Variants in RAP1GAP2 observed in about 807,000 individuals in gnomAD.
RAP1GAP2 encodes the protein rap1 GTPase-activating protein 2.
RAP1GAP2 carries 27 observed loss-of-function variants against 95.0 expected under a neutral mutation model. That is an observed-to-expected ratio of 0.28 (90% confidence interval 0.21 to 0.39). The LOEUF (loss-of-function observed/expected upper bound fraction) is 0.39, where lower values mean the gene tolerates loss of function less well. RAP1GAP2 is among the 10% of genes least tolerant of loss of function. The pLI is 1.00. For synonymous variants in RAP1GAP2, 373 were observed against 380.9 expected, an observed-to-expected ratio of 0.98 and a Z score of 0.24; for missense variants, 771 against 970.0, an observed-to-expected ratio of 0.79 and a Z score of 2.72.
intron 2 of RAP1GAP2, among the ~76,000 whole-genome samples, chr17:2,801,506 T>C (rs918731817): frequency 1.3e-5 from 2 of 151,958 alleles, no homozygotes; most frequent in African/African-American, 2.4e-5. Flanking sequence ...ATTACATTTT[T>C]TATCACTTTA....
In RAP1GAP2 at chr17:2,965,679, C is replaced by T. The variant is rs1288170201; in HGVS notation, c.596+36C>T. Reference sequence around the variant, plus strand: ...TGCGCTGCTTGAGGCCACTTCTCTTCCAGGCAGGGCTCTCATCGGTGGTGT... The same window carrying T: ...TGCGCTGCTTGAGGCCACTTCTCTTTCAGGCAGGGCTCTCATCGGTGGTGT... On this transcript the variant is annotated intron_variant, in intron 8 of 24. Transcript: ENST00000254695. This position sits in a 1 kb window ranked among gnomAD's most constrained non-coding sequence, Gnocchi z 4.7. 1 of 1,444,244 alleles carries T rather than the reference C, an allele frequency of 6.9e-7. No homozygotes were observed. The highest frequency in any genetic ancestry group is 9.6e-7 in the Non-Finnish European group (1 of 1,041,722). The allele number at this position is 1,444,244 out of a possible 1,614,324, so 89.5% of individuals were successfully genotyped here. A position where few individuals can be genotyped will look rare whatever the true frequency, so the allele number is the denominator to read the frequency against.
chr17:2,762,969 C>A (rs1227161659), intron 1 of RAP1GAP2, among the ~76,000 whole-genome samples: 1 of 152,136 alleles, frequency 6.6e-6, no homozygotes, highest in Non-Finnish European at 1.5e-5. Context: ...AGCCACCACA[C>A]CCAGCTTTCT....
intron 2 of RAP1GAP2, among the ~76,000 whole-genome samples, chr17:2,810,182 G>T (rs999812079): frequency 2.0e-5 from 3 of 152,016 alleles, no homozygotes; most frequent in African/African-American, 7.3e-5. Context: ...TGTGGACCTT[G>T]CGAGCTTTGT....
chr17:2,945,867 G>A (rs527842548), intron 3 of RAP1GAP2, among the ~76,000 whole-genome samples: 16 of 151,916 alleles, frequency 1.1e-4, no homozygotes, highest in African/African-American at 3.9e-4. Flanking sequence ...TGGGCTCACT[G>A]CAACCTCTTT....
At chr17:2,883,253 TC>T (rs2151673828) in intron 2 of RAP1GAP2, among the ~76,000 whole-genome samples, 1 of 152,334 alleles carries the variant, frequency 6.6e-6, no homozygotes, top group East Asian at 1.9e-4. Context: ...GCAAAGCCTT[TC>T]CTGAGCTCCC....
At chr17:2,999,514 A>G (rs2046081039) in intron 14 of RAP1GAP2, among the ~76,000 whole-genome samples, 1 of 152,192 alleles carries the variant, frequency 6.6e-6, no homozygotes, top group Non-Finnish European at 1.5e-5. Context: ...CCAATGGGTA[A>G]CCATGAGGCC....
rs183701581 is a variant in RAP1GAP2 at position 2,885,083 on chromosome 17, G to A, written c.81-20201G>A. Among the ~76,000 whole-genome samples the A allele has an allele frequency of 5.3e-3, 772 of 146,906 alleles. 5 individuals are homozygous for A. The highest frequency in any genetic ancestry group is 0.011 in the Admixed American group (157 of 14,582). On this transcript the variant is annotated intron_variant, in intron 2 of 24. Coordinates refer to ENST00000254695, the MANE Select transcript of RAP1GAP2 (RefSeq NM_015085.5). ...GAGTCTCGCTCTGTCGCCCAGGCTG[G>A]AGTACAGTGGCACGATCTCGGCTCA...
chr17:2,905,896 G>T (rs1235822903), intron 3 of RAP1GAP2, among the ~76,000 whole-genome samples: 1 of 152,160 alleles, frequency 6.6e-6, no homozygotes, highest in Admixed American at 6.5e-5. Flanking sequence ...CACAGTCCAG[G>T]CTGCTAGGCC....
intron 2 of RAP1GAP2, among the ~76,000 whole-genome samples, chr17:2,863,039 A>ACTTTAGGG (rs1283057858): frequency 6.7e-6 from 1 of 148,610 alleles, no homozygotes; most frequent in Non-Finnish European, 1.5e-5. Context: ...CAGGCCCATC[A>ACTTTAGGG]CTTTAGGGAT....
intron 3 of RAP1GAP2, among the ~76,000 whole-genome samples, chr17:2,947,625 T>C (rs977090062): frequency 1.5e-4 from 23 of 152,184 alleles, no homozygotes; most frequent in Admixed American, 9.8e-4. Flanking sequence ...CGAAGAGCTC[T>C]GCCCTCGAGG....
intron 2 of RAP1GAP2, among the ~76,000 whole-genome samples, chr17:2,895,153 C>T (rs945306779): frequency 6.6e-6 from 1 of 152,222 alleles, no homozygotes; most frequent in African/African-American, 2.4e-5. Flanking sequence ...TACGTCACTA[C>T]CATAAAAGGA....
intron 3 of RAP1GAP2, among the ~76,000 whole-genome samples, chr17:2,908,744 G>A (rs560948400): frequency 4.6e-5 from 7 of 152,060 alleles, no homozygotes; most frequent in South Asian, 2.1e-4. Flanking sequence ...GGACAGGGTC[G>A]TGCGCTGTCA....
At chr17:2,758,101 C>T (rs1394332742) in intron 1 of RAP1GAP2, among the ~76,000 whole-genome samples, 1 of 150,244 alleles carries the variant, frequency 6.7e-6, no homozygotes, top group Admixed American at 6.7e-5. Flanking sequence ...GATCTCCTGA[C>T]CTCATGATCC....
chr17:2,922,265 T>A (rs767124088), intron 3 of RAP1GAP2, among the ~76,000 whole-genome samples: 1 of 152,214 alleles, frequency 6.6e-6, no homozygotes, highest in Non-Finnish European at 1.5e-5. Flanking sequence ...ATGAGGACGT[T>A]AATCCCGTTC....
intron 2 of RAP1GAP2, among the ~76,000 whole-genome samples, chr17:2,816,206 GC>G (rs2070016314): frequency 6.6e-6 from 1 of 151,578 alleles, no homozygotes; most frequent in South Asian, 2.1e-4. Flanking sequence ...TTTCCACATT[GC>G]TGACCATACA....
At chr17:2,860,001 T>C (rs946264860) in intron 2 of RAP1GAP2, among the ~76,000 whole-genome samples, 3 of 151,698 alleles carry the variant, frequency 2.0e-5, no homozygotes, top group Admixed American at 6.6e-5. Flanking sequence ...ACGTTAGTCA[T>C]TGTTGATTGA....
At chr17:3,025,980 G>T (rs770538829) in intron 19 of RAP1GAP2, 28 bp from the exon 20 acceptor site, 4 of 1,540,480 alleles carry the variant, frequency 2.6e-6, no homozygotes, top group Non-Finnish European at 3.6e-6. Flanking sequence ...TGTCTCCGCG[G>T]CCTCACTCCT....
At chr17:2,882,581 C>T (rs373589473) in intron 2 of RAP1GAP2, among the ~76,000 whole-genome samples, 2 of 152,262 alleles carry the variant, frequency 1.3e-5, no homozygotes, top group South Asian at 2.1e-4. Context: ...TGCGCCACCA[C>T]GCCTGGCTAA....
In RAP1GAP2 at chr17:3,003,416, A is replaced by G. The variant is rs9901827; in HGVS notation, c.1201-1953A>G. 0.1 allele frequency among the ~76,000 whole-genome samples: 15,571 copies of G among 152,088 alleles called. 926 individuals carry two copies. The highest frequency in any genetic ancestry group is 0.29 in the East Asian group (1,483 of 5,120). ...CTCTCCGGAAGTCCTCAAAGGTGTC[A>G]GGAATCTCAGGTGAAGCCCACCGCC... On this transcript the variant is annotated intron_variant, in intron 14 of 24. Transcript: ENST00000254695. The surrounding 1 kb of genome is among the most constrained non-coding windows in gnomAD (Gnocchi z 4.1).
Sources: allele counts gnomAD v4.1 joint callset (sites outside exome capture counted in the v4.1 genomes callset), GRCh38; gene constraint gnomAD v4.1.1; non-coding constraint Gnocchi (gnomAD v3.1); transcripts MANE v1.5; gene names NCBI Gene and HGNC (gene_info 2026-07-23, HGNC 2026-07-21).